AIRE: variants seen among roughly 807,000 people sequenced by gnomAD.
The protein encoded by AIRE is autoimmune polyendocrinopathy candidiasis ectodermal dystrophy protein.
A neutral mutation model predicts 62.1 loss-of-function variants in AIRE; 52 were observed. The observed-to-expected ratio is 0.84, with a 90% CI of 0.67 to 1.06. AIRE has a LOEUF of 1.06. Ranked by LOEUF, AIRE falls within the 50% of genes least tolerant of loss-of-function variation. The pLI, the probability that AIRE is intolerant of heterozygous loss-of-function variation, is 0.00. For synonymous variants in AIRE, 342 were observed against 321.6 expected, an observed-to-expected ratio of 1.06 and a Z score of -0.68; for missense variants, 774 against 755.8, an observed-to-expected ratio of 1.02 and a Z score of -0.28.
rs1444691231 is a variant in AIRE at position 44,296,384 on chromosome 21, A to G, written c.1505A>G (p.Asp502Gly). 1 of 1,611,984 alleles carries G rather than the reference A, an allele frequency of 6.2e-7. No individual in the cohort carries two copies. Among genetic ancestry groups the G allele is most frequent in the African/African-American group, 1.3e-5 (1 of 74,742 alleles). The change falls in exon 13 of 14, where the codon GAT becomes GGT. Residue 502 changes from aspartate (D) to glycine (G), a missense_variant and splice_region_variant. Asp to Gly is a moderately conservative substitution (Grantham distance 94). Transcript: ENST00000291582. Reference protein sequence around the residue: ...PARLAPGPAKDDTASHEPALH... With the variant: ...PARLAPGPAKGDTASHEPALH... ...CCTCTTCTCTTTACTGGGTTCCAGG[A>G]TGACACTGCCAGTCACGAGCCCGCT...
chr21:44,286,145 T>TGCC lies in AIRE; in HGVS notation c.132+7_132+8insGCC. 7 of 1,545,158 alleles carry TGCC rather than the reference T, an allele frequency of 4.5e-6. No individual in the cohort carries two copies. The highest frequency in any genetic ancestry group is 2.5e-5 in the East Asian group (1 of 40,692). On this transcript the variant is annotated splice_region_variant and intron_variant, in intron 1 of 13. Coordinates refer to ENST00000291582, the MANE Select transcript of AIRE (RefSeq NM_000383.4). This position sits in a 1 kb window ranked among gnomAD's most constrained non-coding sequence, Gnocchi z 6.0. ...CCCCGAGGACAAGTTTCAGGTGGGC[T>TGCC]CCCCGCCCGCCCCCCGCTGCCCCCA...
In AIRE at chr21:44,287,454, T is replaced by C; in HGVS notation, c.464-63T>C. On this transcript the variant is annotated intron_variant, in intron 3 of 13. Coordinates refer to ENST00000291582, the MANE Select transcript of AIRE (RefSeq NM_000383.4). The surrounding 1 kb of genome is among the most constrained non-coding windows in gnomAD (Gnocchi z 4.3). ...TCCACGCCCTCCCACCGCGGGCCCC[T>C]GCCCACCGGCACTCACCCCCACTGA... 1.6e-6 allele frequency: 2 copies of C among 1,243,012 alleles called. No individual in the cohort carries two copies. Among genetic ancestry groups the C allele is most frequent in the Non-Finnish European group, 2.3e-6 (2 of 869,102 alleles). The allele number at this position is 1,243,012 out of a possible 1,614,324, so 77.0% of individuals were successfully genotyped here.
rs904056795 is a variant in AIRE at position 44,297,802 on chromosome 21, C to T, written c.*75C>T. On this transcript the variant is annotated 3_prime_UTR_variant, in exon 14 of 14. Coordinates refer to ENST00000291582, the MANE Select transcript of AIRE (RefSeq NM_000383.4). The surrounding 1 kb of genome is among the most constrained non-coding windows in gnomAD (Gnocchi z 4.8). ...CACCTCCTTCCTCAGTCCTGGAAGCCGGCCGGCTGGGATCAAGAAGGGGAC... is the reference window on the plus strand; with the variant it reads ...CACCTCCTTCCTCAGTCCTGGAAGCTGGCCGGCTGGGATCAAGAAGGGGAC... The T allele has an allele frequency of 2.7e-5, 39 of 1,446,854 alleles. No homozygotes were observed. Among genetic ancestry groups the T allele is most frequent in the African/African-American group, 1.1e-4 (8 of 71,034 alleles). The allele number at this position is 1,446,854 out of a possible 1,614,324, so 89.6% of individuals were successfully genotyped here. A position where few individuals can be genotyped will look rare whatever the true frequency, so the allele number is the denominator to read the frequency against.
chr21:44,297,721 C>T lies in AIRE; in HGVS notation c.1632C>T (p.Pro544=), dbSNP rs2040626063. The change falls in exon 14 of 14, where the codon CCC becomes CCT. Residue 544 remains proline, a synonymous_variant. Transcript: ENST00000291582. This position sits in a 1 kb window ranked among gnomAD's most constrained non-coding sequence, Gnocchi z 4.8. ...QSMARPAAPF[P]S is the part of the protein sequence containing the mutation. ...TGGCCCGTCCGGCGGCCCCCTTCCC[C>T]TCCTGACCCCAGATGGCCGGGACAT... 1 of 1,611,074 alleles carries T rather than the reference C, an allele frequency of 6.2e-7. No homozygotes were observed. Among genetic ancestry groups the T allele is most frequent in the Admixed American group, 1.7e-5 (1 of 60,020 alleles).
At position 44,286,864 on chromosome 21, in the gene AIRE, A is replaced by G; in HGVS notation, c.308-114A>G. On this transcript the variant is annotated intron_variant, in intron 2 of 13. Transcript: ENST00000291582. The surrounding 1 kb of genome is among the most constrained non-coding windows in gnomAD (Gnocchi z 6.0). ...TGTTCCAGGACCGTCTTGGATCCTAAGAGGCAAAGGGGCCAGGCCTCACCT... is the reference window on the plus strand; with the variant it reads ...TGTTCCAGGACCGTCTTGGATCCTAGGAGGCAAAGGGGCCAGGCCTCACCT... 6 of 1,571,694 alleles carry G rather than the reference A, an allele frequency of 3.8e-6. No individual in the cohort carries two copies. Among genetic ancestry groups the G allele is most frequent in the Non-Finnish European group, 4.4e-6 (5 of 1,146,842 alleles).
chr21:44,294,366 C>T (rs949503407), intron 11 of AIRE, 35 bp from the exon 12 acceptor site: 6 of 1,467,678 alleles, frequency 4.1e-6, no homozygotes, highest in African/African-American at 1.4e-5. Flanking sequence ...TCCTGCTCCC[C>T]CCCAGGGCTG....
At chr21:44,294,267 C>A in intron 11 of AIRE, 134 bp from the exon 12 acceptor site, 1 of 536,094 alleles carries the variant, frequency 1.9e-6, no homozygotes, top group Non-Finnish European at 3.3e-6. Context: ...TCTCCACCCA[C>A]ACCCACACCC....
At position 44,287,649 on chromosome 21, in the gene AIRE, G is replaced by C. The variant is rs2040497196; in HGVS notation, c.538+58G>C. 2 of 1,498,336 alleles carry C rather than the reference G, an allele frequency of 1.3e-6. No individual in the cohort carries two copies. The highest frequency in any genetic ancestry group is 1.8e-6 in the Non-Finnish European group (2 of 1,101,116). The allele number at this position is 1,498,336 out of a possible 1,614,324, so 92.8% of individuals were successfully genotyped here. ...TCCCTGGCCAGGGGCAAGGGGTCAG[G>C]GGTCAGAGCAGGGCCTGCCCTCTGA... On this transcript the variant is annotated intron_variant, in intron 4 of 13. Transcript: ENST00000291582. This position sits in a 1 kb window ranked among gnomAD's most constrained non-coding sequence, Gnocchi z 4.3.
chr21:44,293,628 G>A (rs567800468), intron 10 of AIRE, among the ~76,000 whole-genome samples, 161 bp from the exon 11 acceptor site: 32 of 152,192 alleles, frequency 2.1e-4, no homozygotes, highest in African/African-American at 7.0e-4. Flanking sequence ...GACTGGTCCC[G>A]CTGTCCTGCA....
chr21:44,296,560 G>T, intron 13 of AIRE, 115 bp downstream of exon 13: 4 of 1,040,272 alleles, frequency 3.8e-6, no homozygotes, highest in Non-Finnish European at 6.0e-6. Context: ...CTTGAGCCGT[G>T]GAAACTCAGG....
At chr21:44,292,865 G>T in intron 9 of AIRE, 128 bp from the exon 10 acceptor site, 1 of 766,964 alleles carries the variant, frequency 1.3e-6, no homozygotes, top group Non-Finnish European at 2.2e-6. Flanking sequence ...CCAGCCCTCC[G>T]CCCCCACCAT....
In AIRE at chr21:44,287,641, G is replaced by C. The variant is rs369022954; in HGVS notation, c.538+50G>C. 1.3e-6 allele frequency: 2 copies of C among 1,504,960 alleles called. No homozygotes were observed. The highest frequency in any genetic ancestry group is 2.0e-5 in the Admixed American group (1 of 50,858). The allele number at this position is 1,504,960 out of a possible 1,614,324, so 93.2% of individuals were successfully genotyped here. A position where few individuals can be genotyped will look rare whatever the true frequency, so the allele number is the denominator to read the frequency against. The stretch of plus-strand genomic sequence containing the variant: ...CTCCCTTCTCCCTGGCCAGGGGCAA[G>C]GGGTCAGGGGTCAGAGCAGGGCCTG... On this transcript the variant is annotated intron_variant, in intron 4 of 13. Coordinates refer to ENST00000291582, the MANE Select transcript of AIRE (RefSeq NM_000383.4). The surrounding 1 kb of genome is among the most constrained non-coding windows in gnomAD (Gnocchi z 4.3).
chr21:44,296,042 TG>T (rs1164825585), intron 12 of AIRE, among the ~76,000 whole-genome samples: 3 of 151,942 alleles, frequency 2.0e-5, no homozygotes, highest in African/African-American at 7.3e-5. Context: ...GGGGCGGGGG[TG>T]GCATGGACCA....
chr21:44,286,497 A>T lies in AIRE; in HGVS notation c.133-60A>T. The T allele has an allele frequency of 6.5e-7, 1 of 1,539,320 alleles. No individual in the cohort carries two copies. Among genetic ancestry groups the T allele is most frequent in the Non-Finnish European group, 8.9e-7 (1 of 1,129,216 alleles). On this transcript the variant is annotated intron_variant, in intron 1 of 13. Transcript: ENST00000291582. The surrounding 1 kb of genome is among the most constrained non-coding windows in gnomAD (Gnocchi z 6.0). ...GCTCCACCCTCTAGTCATGATGGAG[A>T]TGGGCAGGCCGCAGGGTGTGGGGGA...
chr21:44,291,513 C>T (rs1384374462), intron 8 of AIRE, among the ~76,000 whole-genome samples: 1 of 152,170 alleles, frequency 6.6e-6, no homozygotes, highest in African/African-American at 2.4e-5. Flanking sequence ...GCCCACGCCC[C>T]CATGGGTAGC....
At chr21:44,289,614 CTG>C in intron 5 of AIRE, 41 bp from the exon 6 acceptor site, 1 of 1,611,612 alleles carries the variant, frequency 6.2e-7, no homozygotes. Flanking sequence ...AAGGCAGGTC[CTG>C]CTGGGCGGGT....
At chr21:44,292,557 C>T (rs764771413) in intron 9 of AIRE, among the ~76,000 whole-genome samples, 156 bp downstream of exon 9, 4 of 152,186 alleles carry the variant, frequency 2.6e-5, no homozygotes, top group African/African-American at 4.8e-5. Context: ...TGCCCAAGCC[C>T]GGTCCTTGTG....
chr21:44,296,935 T>A (rs76156929), intron 13 of AIRE, among the ~76,000 whole-genome samples: 10,626 of 147,604 alleles, frequency 0.072, 486 homozygotes, highest in Admixed American at 0.12. Context: ...ATGTGACTTT[T>A]AAGGGCTCTG....
rs370070250 is a variant in AIRE, at chr21:44,293,903, C to T, written c.1393C>T (p.Arg465Trp). ...WRCHFPAGTSRPGTGLRCRSC... is the reference protein window; with the variant it reads ...WRCHFPAGTSWPGTGLRCRSC... Reference sequence around the variant, plus strand: ...CTGCCACTTCCCAGCCGGCACCTCCCGGCCCGGGTGAGTGAGCGTGGTCGG... The same window carrying T: ...CTGCCACTTCCCAGCCGGCACCTCCTGGCCCGGGTGAGTGAGCGTGGTCGG... Residue 465 changes from arginine to tryptophan, a missense_variant, in exon 11 of 14, where the codon CGG (arginine) becomes TGG (tryptophan). Around this residue, in one of 3 missense-constraint regions of AIRE, gnomAD observed 354 missense variants for 296.1 expected, o/e 1.20. Transcript: ENST00000291582. The T allele has an allele frequency of 1.1e-5, 17 of 1,596,530 alleles. No homozygotes were observed. The highest frequency in any genetic ancestry group is 5.0e-5 in the Admixed American group (3 of 59,918).
Sources: gnomAD v4.1 joint callset for allele counts (sites outside exome capture counted in the v4.1 genomes callset) on GRCh38, gnomAD v4.1.1 for gene constraint, gnomAD v4.1.1 regional missense constraint, Gnocchi (gnomAD v3.1) non-coding constraint, MANE v1.5 for transcripts, NCBI Gene and HGNC (gene_info 2026-07-23, HGNC 2026-07-21) for gene names.